The following NEGR1 variants were observed in gnomAD, a reference collection of about 807,000 sequenced individuals.
NEGR1 encodes the protein neuronal growth regulator 1.
In NEGR1, 10 loss-of-function variants were observed where a neutral mutation model predicts 40.9. The observed-to-expected ratio is 0.24, with a 90% CI of 0.15 to 0.42. The LOEUF (loss-of-function observed/expected upper bound fraction) is 0.42. Ranked by LOEUF, NEGR1 falls within the 10% of genes least tolerant of loss-of-function variation. The pLI is 1.00. For missense variants in NEGR1, 352 were observed against 438.9 expected (o/e 0.80, Z 1.77); for synonymous variants, 185 against 166.8 (o/e 1.11, Z -0.84).
chr1:71,854,688 A>C (rs1659707901), intron 2 of NEGR1, among the ~76,000 whole-genome samples: 2 of 152,094 alleles, frequency 1.3e-5, no homozygotes, highest in South Asian at 4.1e-4. Context: ...AAGGAGAAGA[A>C]GGCACCTTCT....
intron 1 of NEGR1, among the ~76,000 whole-genome samples, chr1:72,168,633 T>C (rs1050155405): frequency 6.6e-6 from 1 of 152,166 alleles, no homozygotes; most frequent in African/African-American, 2.4e-5. Flanking sequence ...CTCGTGTCTG[T>C]AATCCCAGCA....
chr1:71,481,442 T>G (rs1390951627), intron 6 of NEGR1, among the ~76,000 whole-genome samples: 1 of 151,926 alleles, frequency 6.6e-6, no homozygotes, highest in Non-Finnish European at 1.5e-5. Flanking sequence ...CCACATATAT[T>G]GAGTATATAT....
chr1:71,444,908 C>T (rs548217617), intron 6 of NEGR1, among the ~76,000 whole-genome samples: 1 of 152,230 alleles, frequency 6.6e-6, no homozygotes, highest in Non-Finnish European at 1.5e-5. Context: ...ATATTTTGAG[C>T]AACTACTATG....
At position 71,845,716 on chromosome 1, in the gene NEGR1, G is replaced by GATCT. The variant is rs66993306; in HGVS notation, c.410-69423_410-69420dup. On this transcript the variant is annotated intron_variant, in intron 2 of 6. Transcript: ENST00000357731. Reference sequence around the variant, plus strand: ...CACAGCAAAAAGGACAATAGAGCCAGATCTATCTATCTATCTATCTACCTA... The same window carrying GATCT: ...CACAGCAAAAAGGACAATAGAGCCAGATCTATCTATCTATCTATCTATCTACCTA... Among the ~76,000 whole-genome samples the GATCT allele has an allele frequency of 3.8e-3, 568 of 150,592 alleles. 4 individuals are homozygous for GATCT. Among genetic ancestry groups the GATCT allele is most frequent in the African/African-American group, 0.013 (530 of 40,880 alleles).
At chr1:71,500,471 T>C (rs1646991793) in intron 6 of NEGR1, among the ~76,000 whole-genome samples, 1 of 152,078 alleles carries the variant, frequency 6.6e-6, no homozygotes, top group Non-Finnish European at 1.5e-5. Flanking sequence ...AATTAATCAA[T>C]TTCGTCACAT....
chr1:72,080,077 CT>C (rs1401560581), intron 1 of NEGR1, among the ~76,000 whole-genome samples: 1 of 151,964 alleles, frequency 6.6e-6, no homozygotes, highest in East Asian at 1.9e-4. Context: ...AAAGGGCTTC[CT>C]TTTTTTGACA....
At chr1:71,801,916 A>G (rs1335059818) in intron 2 of NEGR1, among the ~76,000 whole-genome samples, 1 of 152,196 alleles carries the variant, frequency 6.6e-6, no homozygotes, top group East Asian at 1.9e-4. Flanking sequence ...GAACATATAT[A>G]TCGTTACCAT....
chr1:72,171,379 C>T (rs1651958951), intron 1 of NEGR1, among the ~76,000 whole-genome samples: 1 of 152,090 alleles, frequency 6.6e-6, no homozygotes, highest in South Asian at 2.1e-4. Flanking sequence ...ATAAAAGTAT[C>T]CCTTTGCCCT....
At chr1:72,139,846 C>T (rs1234523059) in intron 1 of NEGR1, among the ~76,000 whole-genome samples, 1 of 151,972 alleles carries the variant, frequency 6.6e-6, no homozygotes, top group East Asian at 1.9e-4. Flanking sequence ...TAATATATTG[C>T]AAGTTATCTC....
chr1:71,425,442 CAACA>C (rs1380404531), intron 6 of NEGR1, among the ~76,000 whole-genome samples: 1 of 152,086 alleles, frequency 6.6e-6, no homozygotes, highest in Non-Finnish European at 1.5e-5. Context: ...ACTATAAAAA[CAACA>C]AAAACAAATG....
At chr1:71,761,834 A>G (rs1197713759) in intron 3 of NEGR1, among the ~76,000 whole-genome samples, 1 of 152,146 alleles carries the variant, frequency 6.6e-6, no homozygotes, top group Non-Finnish European at 1.5e-5. Context: ...TAGAAATAAA[A>G]CAATAAAAGA....
chr1:71,753,273 T>C (rs529161783), intron 3 of NEGR1, among the ~76,000 whole-genome samples: 2 of 152,200 alleles, frequency 1.3e-5, no homozygotes, highest in Non-Finnish European at 2.9e-5. Flanking sequence ...CAAATCATTA[T>C]GTAAAATTAC....
chr1:71,589,808 G>A (rs927175092), intron 6 of NEGR1, among the ~76,000 whole-genome samples: 5 of 152,012 alleles, frequency 3.3e-5, no homozygotes, highest in African/African-American at 1.2e-4. Flanking sequence ...GCCTAAGAGT[G>A]TCTTTTGGAA....
chr1:72,153,331 A>G (rs1403115648), intron 1 of NEGR1, among the ~76,000 whole-genome samples: 1 of 152,014 alleles, frequency 6.6e-6, no homozygotes, highest in Non-Finnish European at 1.5e-5. Context: ...GAAAAGGCAC[A>G]CACAAATACA....
intron 1 of NEGR1, among the ~76,000 whole-genome samples, chr1:72,085,079 G>A (rs1003836874): frequency 4.6e-5 from 7 of 152,088 alleles, no homozygotes; most frequent in Admixed American, 3.9e-4. Flanking sequence ...GTATCTTCCC[G>A]CTGATTGCCC....
chr1:72,013,356 A>G (rs1420877687), intron 1 of NEGR1, among the ~76,000 whole-genome samples: 3 of 152,100 alleles, frequency 2.0e-5, no homozygotes, highest in Admixed American at 6.6e-5. Flanking sequence ...CTAGGTAGAT[A>G]AGGGAACCTC....
chr1:71,557,448 AC>A (rs2101476001), intron 6 of NEGR1, among the ~76,000 whole-genome samples: 1 of 151,806 alleles, frequency 6.6e-6, no homozygotes, highest in Non-Finnish European at 1.5e-5. Context: ...AACGTCATGC[AC>A]TTGGAGAAAA....
At position 71,740,780 on chromosome 1, in the gene NEGR1, A is replaced by G. The variant is rs1276237465; in HGVS notation, c.535+35392T>C. 9.2e-5 allele frequency among the ~76,000 whole-genome samples: 14 copies of G among 152,222 alleles called. 1 individual carries two copies. The highest frequency in any genetic ancestry group is 9.2e-4 in the Admixed American group (14 of 15,270). On this transcript the variant is annotated intron_variant, in intron 3 of 6. Coordinates refer to ENST00000357731, the MANE Select transcript of NEGR1 (RefSeq NM_173808.3). ...CAAGTGTATCTGCCATCTTTTGCCA[A>G]TACTGATTAGTCTACTTTTACTAGT...
intron 5 of NEGR1, among the ~76,000 whole-genome samples, chr1:71,606,378 G>A (rs1204646708): frequency 6.6e-6 from 1 of 152,192 alleles, no homozygotes; most frequent in African/African-American, 2.4e-5. Flanking sequence ...AGCAGCACCA[G>A]GTGACATCTT....
Sources: allele counts gnomAD v4.1 joint callset (sites outside exome capture counted in the v4.1 genomes callset), GRCh38; gene constraint gnomAD v4.1.1; transcripts MANE v1.5; gene names NCBI Gene and HGNC (gene_info 2026-07-23, HGNC 2026-07-21).